The following TENT4B variants were observed in gnomAD, a reference collection of about 807,000 sequenced individuals.
The protein encoded by TENT4B is PAP associated domain containing 5.
In TENT4B, 10 loss-of-function variants were observed where a neutral mutation model predicts 75.0. The ratio of observed to expected loss-of-function variants is 0.13; its 90% CI spans 0.08 to 0.23. TENT4B has a LOEUF of 0.23. TENT4B is among the 10% of genes least tolerant of loss of function. TENT4B has a pLI of 1.00. For missense variants in TENT4B, 579 were observed against 893.8 expected (o/e 0.65, Z 4.49); for synonymous variants, 350 against 357.7 (o/e 0.98, Z 0.24).
chr16:50,221,455 G>A (rs2031823979), intron 5 of TENT4B, among the ~76,000 whole-genome samples: 1 of 152,116 alleles, frequency 6.6e-6, no homozygotes, highest in Non-Finnish European at 1.5e-5. Flanking sequence ...GGGTAGCCCT[G>A]CCTCATTCCC....
intron 9 of TENT4B, 46 bp downstream of exon 9, chr16:50,225,040 C>T (rs1555512661): frequency 8.7e-6 from 14 of 1,608,568 alleles, no homozygotes; most frequent in Non-Finnish European, 1.0e-5. Context: ...AGAGGCTTTT[C>T]TGTGTTGTGT....
intron 1 of TENT4B, among the ~76,000 whole-genome samples, chr16:50,166,642 C>T (rs1260256135): frequency 6.6e-6 from 1 of 152,048 alleles, no homozygotes; most frequent in Admixed American, 6.6e-5. Flanking sequence ...GGGTCTTGCT[C>T]TGTCACCTAG....
Position 50,184,295 on chromosome 16 carries a change from C to T in TENT4B, c.639-27028C>T, listed in dbSNP as rs142216279. 7.2e-5 allele frequency among the ~76,000 whole-genome samples: 11 copies of T among 152,226 alleles called. No individual in the cohort carries two copies. In the East Asian group the frequency reaches 2.1e-3, roughly 29 times the overall value. On this transcript the variant is annotated intron_variant, in intron 1 of 11. Coordinates refer to ENST00000561678, the MANE Select transcript of TENT4B (RefSeq NM_001365324.3). Reference sequence around the variant, plus strand: ...ATCCTTTATGTGGCTGGGTAATATTCCATTGTATGGTTATACCATGTTTTG... The same window carrying T: ...ATCCTTTATGTGGCTGGGTAATATTTCATTGTATGGTTATACCATGTTTTG...
In TENT4B at chr16:50,229,677, AG is replaced by A; in HGVS notation, c.*352del. ...ATAGGGAATAGTATTCAGTGTTGGT[AG>A]GGTGATAGAAACAAAAAACAGTATC... On this transcript the variant is annotated 3_prime_UTR_variant, in exon 12 of 12. Transcript: ENST00000561678. 1 of 1,002,540 alleles carries A rather than the reference AG, an allele frequency of 1.0e-6. No individual in the cohort carries two copies. Among genetic ancestry groups the A allele is most frequent in the Non-Finnish European group, 1.2e-6 (1 of 841,272 alleles). 62.1% of individuals were successfully genotyped at this position (1,002,540 alleles called of 1,614,324 possible). A position where few individuals can be genotyped will look rare whatever the true frequency, so the allele number is the denominator to read the frequency against.
intron 1 of TENT4B, among the ~76,000 whole-genome samples, chr16:50,173,385 T>C (rs959285361): frequency 3.3e-5 from 5 of 152,204 alleles, no homozygotes; most frequent in Admixed American, 6.5e-5. Flanking sequence ...TGTGTAGGTT[T>C]TTGTGTGGTC....
chr16:50,190,400 A>G (rs919418645), intron 1 of TENT4B, among the ~76,000 whole-genome samples: 3 of 151,976 alleles, frequency 2.0e-5, no homozygotes, highest in East Asian at 1.9e-4. Flanking sequence ...TAGTGCAACC[A>G]CTGTTACTGT....
Position 50,234,451 on chromosome 16 carries a change from T to C in TENT4B, c.*5123T>C. On this transcript the variant is annotated 3_prime_UTR_variant, in exon 12 of 12. Transcript: ENST00000561678. ...TGGGTTATCAGCCACATTCTTGGAG[T>C]TAATATTTTTCTTCATCTTTCAGTT... 1 of 985,364 alleles carries C rather than the reference T, an allele frequency of 1.0e-6. No individual in the cohort carries two copies. The highest frequency in any genetic ancestry group is 5.2e-4 in the Middle Eastern group (1 of 1,914). The allele number at this position is 985,364 out of a possible 1,614,324, so 61.0% of individuals were successfully genotyped here.
chr16:50,222,167 C>CT, intron 5 of TENT4B, 139 bp from the exon 6 acceptor site: 1 of 758,596 alleles, frequency 1.3e-6, no homozygotes, highest in Non-Finnish European at 2.0e-6. Context: ...TTTTTAATAG[C>CT]TTACTCTTAA....
At chr16:50,173,445 G>A (rs1276441581) in intron 1 of TENT4B, among the ~76,000 whole-genome samples, 3 of 152,150 alleles carry the variant, frequency 2.0e-5, no homozygotes, top group Admixed American at 6.6e-5. Flanking sequence ...TTGTTGGATC[G>A]TATGGTAAGA....
At chr16:50,223,692 T>C (rs936349056) in intron 7 of TENT4B, among the ~76,000 whole-genome samples, 3 of 152,224 alleles carry the variant, frequency 2.0e-5, no homozygotes, top group South Asian at 2.1e-4. Flanking sequence ...TGGGTCCTTA[T>C]TGCCTTGATT....
intron 1 of TENT4B, among the ~76,000 whole-genome samples, chr16:50,188,251 A>G (rs1018203468): frequency 6.6e-6 from 1 of 152,166 alleles, no homozygotes; most frequent in Non-Finnish European, 1.5e-5. Flanking sequence ...GGCTTTGGCA[A>G]TGGCTTCTGT....
At chr16:50,158,628 T>C (rs1415455282) in intron 1 of TENT4B, among the ~76,000 whole-genome samples, 1 of 152,222 alleles carries the variant, frequency 6.6e-6, no homozygotes, top group Non-Finnish European at 1.5e-5. Context: ...AAACTTCTTC[T>C]GGAAGGTGCT....
chr16:50,216,026 C>T (rs2031534244), intron 3 of TENT4B, 49 bp from the exon 4 acceptor site: 1 of 1,608,394 alleles, frequency 6.2e-7, no homozygotes, highest in African/African-American at 1.3e-5. Context: ...TCAGTTAAAA[C>T]AAGTTTCCAA....
At chr16:50,154,331 G>A in intron 1 of TENT4B, 72 bp downstream of exon 1, 2 of 1,380,102 alleles carry the variant, frequency 1.4e-6, no homozygotes, top group South Asian at 3.4e-5. Flanking sequence ...CCACAGAGGG[G>A]GGTTGTGAGG....
chr16:50,167,176 A>G (rs182137972), intron 1 of TENT4B, among the ~76,000 whole-genome samples: 77 of 152,320 alleles, frequency 5.1e-4, no homozygotes, highest in African/African-American at 1.7e-3. Flanking sequence ...GTCTTGGGCC[A>G]CACATAAAAT....
chr16:50,160,064 A>C (rs1302671530), intron 1 of TENT4B, among the ~76,000 whole-genome samples: 1 of 151,958 alleles, frequency 6.6e-6, no homozygotes, highest in South Asian at 2.1e-4. Context: ...CACACCGGCT[A>C]ATTTTTGTAT....
rs930298713 is a variant in TENT4B, at chr16:50,153,395, G to T, written c.-227G>T. ...CGGAGGGGCGGAGGGGCGGAGGGAGGGGGGGAGGGCCCGCGGAGCCCCCGA... is the reference window on the plus strand; with the variant it reads ...CGGAGGGGCGGAGGGGCGGAGGGAGTGGGGGAGGGCCCGCGGAGCCCCCGA... On this transcript the variant is annotated 5_prime_UTR_variant, in exon 1 of 12. Coordinates refer to ENST00000561678, the MANE Select transcript of TENT4B (RefSeq NM_001365324.3). Among the ~76,000 whole-genome samples, 4 of 146,410 alleles carry T rather than the reference G, an allele frequency of 2.7e-5. No individual in the cohort carries two copies. Among genetic ancestry groups the T allele is most frequent in the East Asian group, 2.0e-4 (1 of 5,038 alleles).
At chr16:50,195,807 G>A (rs2150715290) in intron 1 of TENT4B, among the ~76,000 whole-genome samples, 1 of 152,246 alleles carries the variant, frequency 6.6e-6, no homozygotes, top group South Asian at 2.1e-4. Flanking sequence ...AATTTTGTGA[G>A]CTATATAGTA....
At chr16:50,211,560 G>A in intron 2 of TENT4B, 114 bp downstream of exon 2, 1 of 1,193,942 alleles carries the variant, frequency 8.4e-7, no homozygotes, top group South Asian at 3.2e-5. Context: ...GCTCTGTAGA[G>A]TTGTGGTCTA....
Sources: gnomAD v4.1 joint callset for allele counts (sites outside exome capture counted in the v4.1 genomes callset) on GRCh38, gnomAD v4.1.1 for gene constraint, MANE v1.5 for transcripts, NCBI Gene and HGNC (gene_info 2026-07-23, HGNC 2026-07-21) for gene names.